Variants in PTPRN2 observed in about 807,000 individuals in gnomAD.
The protein encoded by PTPRN2 is protein tyrosine phosphatase receptor type N2, also known as receptor-type tyrosine-protein phosphatase N2.
In PTPRN2, 74 loss-of-function variants were observed where a neutral mutation model predicts 118.8. The ratio of observed to expected loss-of-function variants is 0.62; its 90% CI spans 0.52 to 0.76. The LOEUF is 0.76. PTPRN2 is among the 30% of genes least tolerant of loss of function. PTPRN2 has a pLI of 0.00. For missense variants in PTPRN2, 1,481 were observed against 1,394.4 expected (o/e 1.06, Z -0.99); for synonymous variants, 641 against 608.0 (o/e 1.05, Z -0.80).
chr7:157,559,441 G>A (rs1799068948), intron 21 of PTPRN2, among the ~76,000 whole-genome samples: 1 of 152,204 alleles, frequency 6.6e-6, no homozygotes, highest in Non-Finnish European at 1.5e-5. Flanking sequence ...GGCTGGACGA[G>A]CAGAGGAATG....
intron 11 of PTPRN2, among the ~76,000 whole-genome samples, chr7:157,979,476 C>G (rs547905404): frequency 7.2e-5 from 11 of 152,266 alleles, no homozygotes; most frequent in Admixed American, 1.3e-4. Flanking sequence ...GCTGAGTGTC[C>G]GCTATGCACT....
intron 13 of PTPRN2, among the ~76,000 whole-genome samples, chr7:157,662,716 C>A (rs1354781771): frequency 1.3e-5 from 2 of 152,214 alleles, no homozygotes; most frequent in Non-Finnish European, 2.9e-5. Context: ...GGCCGCCACT[C>A]CCTACAGCCT....
chr7:158,516,592 TCG>T (rs1358154999), intron 1 of PTPRN2, among the ~76,000 whole-genome samples: 2 of 151,888 alleles, frequency 1.3e-5, no homozygotes, highest in South Asian at 2.1e-4. Flanking sequence ...CTATTGTTCT[TCG>T]TGCTGTTCTT....
chr7:158,277,273 G>C (rs73746463), intron 3 of PTPRN2, among the ~76,000 whole-genome samples: 3,598 of 152,250 alleles, frequency 0.024, 159 homozygotes, highest in African/African-American at 0.081. Flanking sequence ...CAGCCTCCTC[G>C]GGGTCCTGCC....
At chr7:158,478,865 C>T (rs751787639) in intron 2 of PTPRN2, among the ~76,000 whole-genome samples, 6 of 152,108 alleles carry the variant, frequency 3.9e-5, no homozygotes, top group Non-Finnish European at 8.8e-5. Context: ...AGACAAAACT[C>T]AGTGGGAATG....
intron 2 of PTPRN2, among the ~76,000 whole-genome samples, chr7:158,332,879 G>A (rs1804781679): frequency 1.4e-5 from 2 of 144,578 alleles, no homozygotes; most frequent in South Asian, 2.1e-4. Flanking sequence ...CTCACCATAA[G>A]AAGTGACACC....
chr7:157,682,686 T>A, intron 13 of PTPRN2, 39 bp downstream of exon 13: 1 of 1,562,252 alleles, frequency 6.4e-7, no homozygotes. Flanking sequence ...GTTCAACAGA[T>A]AAATCCGATA....
In PTPRN2 at chr7:158,351,718, G is replaced by A. The variant is rs556086487; in HGVS notation, c.164-34786C>T. ...GCCGGGCCAGTCCACAGCCAGTCAC[G>A]GCCCCACGGGAGGAGCCTTCTGAGT... On this transcript the variant is annotated intron_variant, in intron 2 of 22. Coordinates refer to ENST00000389418, the MANE Select transcript of PTPRN2 (RefSeq NM_002847.5). Among the ~76,000 whole-genome samples the A allele has an allele frequency of 4.5e-3, 678 of 152,206 alleles. 3 individuals carry two copies. The highest frequency in any genetic ancestry group is 0.015 in the African/African-American group (633 of 41,502).
In PTPRN2 at chr7:158,176,640, G is replaced by A. The variant is rs575016471; in HGVS notation, c.550-9349C>T. Among the ~76,000 whole-genome samples, 8 of 152,278 alleles carry A rather than the reference G, an allele frequency of 5.3e-5. No homozygotes were observed. The South Asian group carries it at 1.7e-3, about 32-fold the overall frequency. On this transcript the variant is annotated intron_variant, in intron 5 of 22. Coordinates refer to ENST00000389418, the MANE Select transcript of PTPRN2 (RefSeq NM_002847.5). ...GGGCAGGGACAGGACTGTCTGGGAG[G>A]AAACCAGGGGAGACAGTCAGGATGA...
rs144728537 is a variant in PTPRN2, at chr7:158,146,850, C to T, written c.911-8335G>A. ...GTTTTGGAGGCCAGAGAGACTTGAC[C>T]AATGGATAGAACAAGCAAACAGTTT... On this transcript the variant is annotated intron_variant, in intron 6 of 22. Coordinates refer to ENST00000389418, the MANE Select transcript of PTPRN2 (RefSeq NM_002847.5). 2.4e-3 allele frequency among the ~76,000 whole-genome samples: 371 copies of T among 151,780 alleles called. 12 individuals are homozygous for T. Among genetic ancestry groups the T allele is most frequent in the African/African-American group, 8.4e-3 (345 of 41,134 alleles).
At chr7:158,290,664 A>G (rs1246269406) in intron 3 of PTPRN2, among the ~76,000 whole-genome samples, 6 of 152,310 alleles carry the variant, frequency 3.9e-5, no homozygotes, top group Admixed American at 3.9e-4. Flanking sequence ...CTTCCCCCAC[A>G]TAGAGGGCAT....
chr7:158,331,154 C>T (rs1348682311), intron 2 of PTPRN2, among the ~76,000 whole-genome samples: 1 of 137,376 alleles, frequency 7.3e-6, no homozygotes, highest in Non-Finnish European at 1.5e-5. Context: ...AGACGTCACT[C>T]ACACCCACAC....
intron 12 of PTPRN2, among the ~76,000 whole-genome samples, chr7:157,894,193 T>C (rs965247206): frequency 2.0e-5 from 3 of 152,172 alleles, no homozygotes; most frequent in African/African-American, 4.8e-5. Context: ...GCATCAACTC[T>C]GAGGGGCACA....
At chr7:158,305,324 C>A (rs905074727) in intron 3 of PTPRN2, among the ~76,000 whole-genome samples, 1 of 151,160 alleles carries the variant, frequency 6.6e-6, no homozygotes, top group African/African-American at 2.4e-5. Context: ...AAGGAAAGGA[C>A]AACAGAAAAA....
chr7:157,602,847 G>T (rs1801760305), intron 16 of PTPRN2, among the ~76,000 whole-genome samples: 2 of 152,246 alleles, frequency 1.3e-5, no homozygotes, highest in Admixed American at 1.3e-4. Context: ...GACGAGCAAA[G>T]AAACTTTGGG....
intron 11 of PTPRN2, among the ~76,000 whole-genome samples, chr7:158,072,756 C>G (rs754603763): frequency 6.6e-6 from 1 of 152,226 alleles, no homozygotes; most frequent in Admixed American, 6.5e-5. Flanking sequence ...GTGCCACACA[C>G]TCCAGCTGCT....
At chr7:158,171,009 A>G (rs1319873472) in intron 5 of PTPRN2, among the ~76,000 whole-genome samples, 2 of 147,814 alleles carry the variant, frequency 1.4e-5, no homozygotes, top group Non-Finnish European at 3.0e-5. Flanking sequence ...ATATATATAT[A>G]CACATACATA....
chr7:158,331,898 C>G (rs1244984126), intron 2 of PTPRN2, among the ~76,000 whole-genome samples: 1 of 149,474 alleles, frequency 6.7e-6, no homozygotes, highest in African/African-American at 2.5e-5. Context: ...CTCACACCCA[C>G]ACTCTCACCA....
chr7:158,422,475 C>T (rs74603433), intron 2 of PTPRN2, among the ~76,000 whole-genome samples: 4,619 of 152,282 alleles, frequency 0.03, 96 homozygotes, highest in Middle Eastern at 0.082. Context: ...GATGCACACA[C>T]ATACTCTTAC....
Sources: allele counts gnomAD v4.1 joint callset (sites outside exome capture counted in the v4.1 genomes callset), GRCh38; gene constraint gnomAD v4.1.1; transcripts MANE v1.5; gene names NCBI Gene and HGNC (gene_info 2026-07-23, HGNC 2026-07-21).